GLT1D1: variants seen among roughly 807,000 people sequenced by gnomAD.
The protein encoded by GLT1D1 is glycosyltransferase 1 domain-containing protein 1.
Under a neutral mutation model 28.7 loss-of-function variants are expected in GLT1D1, and 21 were observed. The observed-to-expected ratio is 0.73, with a 90% CI of 0.52 to 1.05. GLT1D1 has a LOEUF of 1.05. Ranked by LOEUF, GLT1D1 falls within the 50% of genes least tolerant of loss-of-function variation. The probability of loss-of-function intolerance (pLI) is 0.00; values close to 1 mark genes in which losing one functional copy is unlikely to be tolerated. For missense variants in GLT1D1, 343 were observed against 330.6 expected, an observed-to-expected ratio of 1.04 and a Z score of -0.29; for synonymous variants, 147 against 124.8, an observed-to-expected ratio of 1.18 and a Z score of -1.19.
rs12310241 is a variant in GLT1D1 at position 128,967,639 on chromosome 12, A to G, written c.639+9996A>G. On this transcript the variant is annotated intron_variant, in intron 7 of 7. Coordinates refer to ENST00000281703, the MANE Select transcript of GLT1D1 (RefSeq NM_144669.3). ...TTAAGTGCTGGGATCAGCCCACAGCAGGATTCCCACCCGGTGCAGAGCACT... is the reference window on the plus strand; with the variant it reads ...TTAAGTGCTGGGATCAGCCCACAGCGGGATTCCCACCCGGTGCAGAGCACT... Among the ~76,000 whole-genome samples, 150 of 152,362 alleles carry G rather than the reference A, an allele frequency of 9.8e-4. 1 individual carries two copies. Among genetic ancestry groups the G allele is most frequent in the African/African-American group, 3.4e-3 (143 of 41,582 alleles).
At chr12:128,888,043 C>T (rs540032002) in intron 2 of GLT1D1, among the ~76,000 whole-genome samples, 4 of 152,322 alleles carry the variant, frequency 2.6e-5, no homozygotes, top group South Asian at 4.1e-4. Flanking sequence ...GCACAGGACG[C>T]GTCACTCGGA....
At chr12:128,970,825 A>G (rs1164935986) in intron 7 of GLT1D1, among the ~76,000 whole-genome samples, 1 of 152,148 alleles carries the variant, frequency 6.6e-6, no homozygotes, top group East Asian at 1.9e-4. Context: ...ACTCTTTGCC[A>G]TCTATAAACA....
chr12:128,966,459 A>G (rs988921126), intron 7 of GLT1D1, among the ~76,000 whole-genome samples: 13 of 151,842 alleles, frequency 8.6e-5, no homozygotes, highest in Non-Finnish European at 1.8e-4. Context: ...TCCCTATCTT[A>G]TTTCATTCCT....
At chr12:128,954,942 AG>A (rs1877122342) in intron 6 of GLT1D1, among the ~76,000 whole-genome samples, 1 of 152,208 alleles carries the variant, frequency 6.6e-6, no homozygotes, top group African/African-American at 2.4e-5. Context: ...CAACAGAGTG[AG>A]ACCCTGTCCC....
At chr12:128,881,722 G>T (rs10847712) in intron 2 of GLT1D1, among the ~76,000 whole-genome samples, 16,492 of 148,074 alleles carry the variant, frequency 0.11, 1,013 homozygotes, top group South Asian at 0.22. Context: ...TTTGATAAAT[G>T]CTTTGGATGC....
chr12:128,942,419 A>G (rs1395046234), intron 4 of GLT1D1, among the ~76,000 whole-genome samples: 2 of 152,218 alleles, frequency 1.3e-5, no homozygotes, highest in African/African-American at 4.8e-5. Context: ...TGAAAGATCA[A>G]TGAATTTTTA....
At chr12:128,862,303 TG>T (rs1956401423) in intron 1 of GLT1D1, among the ~76,000 whole-genome samples, 1 of 132,890 alleles carries the variant, frequency 7.5e-6, no homozygotes, top group Admixed American at 9.1e-5. Context: ...CAGTCCAGCC[TG>T]GGTGACAGAG....
intron 7 of GLT1D1, among the ~76,000 whole-genome samples, chr12:128,959,640 G>T (rs576035722): frequency 1.3e-5 from 2 of 152,112 alleles, no homozygotes; most frequent in African/African-American, 2.4e-5. Context: ...AGCACTAAAG[G>T]CTTCTCTTTT....
At chr12:128,877,477 A>G (rs937601756) in intron 2 of GLT1D1, among the ~76,000 whole-genome samples, 11 of 152,344 alleles carry the variant, frequency 7.2e-5, no homozygotes, top group African/African-American at 2.4e-4. Flanking sequence ...CCTGTTCCAC[A>G]GGAAGTTGAG....
At chr12:128,900,029 A>C (rs1870071153) in intron 4 of GLT1D1, among the ~76,000 whole-genome samples, 1 of 152,194 alleles carries the variant, frequency 6.6e-6, no homozygotes, top group Non-Finnish European at 1.5e-5. Flanking sequence ...AAGTTAGTTC[A>C]TTTATTGACT....
intron 1 of GLT1D1, among the ~76,000 whole-genome samples, chr12:128,863,535 G>A (rs1398279745): frequency 6.6e-6 from 1 of 151,674 alleles, no homozygotes; most frequent in Non-Finnish European, 1.5e-5. Context: ...ACCGCACCCA[G>A]CTAATTTGGT....
At chr12:128,944,507 C>T (rs1875760837) in intron 4 of GLT1D1, 4 of 1,018,952 alleles carry the variant, frequency 3.9e-6, no homozygotes, top group East Asian at 2.4e-5. Context: ...GCATCAATGC[C>T]CACAGTTGTG....
At chr12:128,901,569 T>C (rs760304439) in intron 4 of GLT1D1, among the ~76,000 whole-genome samples, 17 of 151,958 alleles carry the variant, frequency 1.1e-4, no homozygotes, top group Non-Finnish European at 1.9e-4. Context: ...CCCAAGTAGC[T>C]GGGACTACAG....
intron 7 of GLT1D1, among the ~76,000 whole-genome samples, chr12:128,981,749 CG>C (rs1565931387): frequency 6.6e-6 from 1 of 152,134 alleles, no homozygotes; most frequent in Non-Finnish European, 1.5e-5. Flanking sequence ...AAGTATGTGC[CG>C]GGCTTTGCTC....
intron 4 of GLT1D1, among the ~76,000 whole-genome samples, chr12:128,932,777 C>A (rs948602016): frequency 2.6e-5 from 4 of 151,614 alleles, no homozygotes; most frequent in Non-Finnish European, 5.9e-5. Context: ...AGGCTCTGGG[C>A]ACGACCCTGG....
chr12:128,938,782 C>A (rs1288589802), intron 4 of GLT1D1, among the ~76,000 whole-genome samples: 1 of 152,172 alleles, frequency 6.6e-6, no homozygotes, highest in African/African-American at 2.4e-5. Context: ...TGTTTAGACC[C>A]TCTGCCTGTA....
Position 128,956,158 on chromosome 12 carries a change from C to CAAAAAAAAAAAAAAAAAA in GLT1D1, c.541-1373_541-1372insAAAAAAAAAAAAAAAAAA, listed in dbSNP as rs1555219265. ...TGGGTGACAGAGCGAGACTCCATCT[C>CAAAAAAAAAAAAAAAAAA]AAAAAAAAAAAAAAGAGAAAGAGAG... On this transcript the variant is annotated intron_variant, in intron 6 of 7. Transcript: ENST00000281703. Among the ~76,000 whole-genome samples, 25 of 7,454 alleles carry CAAAAAAAAAAAAAAAAAA rather than the reference C, an allele frequency of 3.4e-3. 3 individuals carry two copies. The highest frequency in any genetic ancestry group is 5.1e-3 in the African/African-American group (13 of 2,564). The allele number at this position is 7,454 out of a possible 152,430, so 4.9% of individuals were successfully genotyped here.
chr12:128,955,315 CTT>C (rs68185867), intron 6 of GLT1D1, among the ~76,000 whole-genome samples: 18,608 of 152,224 alleles, frequency 0.12, 1,331 homozygotes, highest in South Asian at 0.18. Context: ...CATACAGTCT[CTT>C]TCTCTCTCTT....
chr12:128,977,421 C>A (rs562307664), intron 7 of GLT1D1, among the ~76,000 whole-genome samples: 126 of 152,294 alleles, frequency 8.3e-4, no homozygotes, highest in Middle Eastern at 3.4e-3. Context: ...TGGCCCTGGA[C>A]CTACATCTGG....
Sources: allele counts gnomAD v4.1 joint callset (sites outside exome capture counted in the v4.1 genomes callset), GRCh38; gene constraint gnomAD v4.1.1; transcripts MANE v1.5; gene names NCBI Gene and HGNC (gene_info 2026-07-23, HGNC 2026-07-21).